The following IRF6 variants were observed in gnomAD, a reference collection of about 807,000 sequenced individuals.
IRF6 encodes Van der Woude syndrome.
In IRF6, 6 loss-of-function variants were observed where a neutral mutation model predicts 51.4. The ratio of observed to expected loss-of-function variants is 0.12; its 90% confidence interval spans 0.06 to 0.23. The LOEUF (loss-of-function observed/expected upper bound fraction) is 0.23. Ranked by LOEUF, IRF6 falls within the 10% of genes least tolerant of loss-of-function variation. The probability of loss-of-function intolerance (pLI) is 1.00; values close to 1 mark genes in which losing one functional copy is unlikely to be tolerated. For synonymous variants in IRF6, 178 were observed against 215.7 expected (o/e 0.83, Z 1.53); for missense variants, 348 against 585.2 (o/e 0.59, Z 4.18).
chr1:209,794,525 T>A (rs577762828), intron 5 of IRF6, among the ~76,000 whole-genome samples: 7 of 152,328 alleles, frequency 4.6e-5, no homozygotes, highest in Non-Finnish European at 7.3e-5. Flanking sequence ...GTTTTATAGG[T>A]GGCACAAGTT....
Position 209,790,513 on chromosome 1 carries a change from G to T in IRF6, c.1042C>A (p.Leu348Met). The T allele has an allele frequency of 6.2e-7, 1 of 1,614,074 alleles. No homozygotes were observed. The highest frequency in any genetic ancestry group is 8.5e-7 in the Non-Finnish European group (1 of 1,180,030). ...GACTTACCGCTAAGGAATGTTTCCA[G>T]ACAAAATAGCTTGACCTTCTTTTGT... ...ERQKKVKLFC[L>M]ETFLSDLIAH... Residue 348 changes from leucine to methionine, a missense_variant, in exon 7 of 9, where the codon CTG becomes ATG. Physicochemically the swap from Leu to Met is conservative, Grantham distance 15 (BLOSUM62 2). Coordinates refer to ENST00000367021, the MANE Select transcript of IRF6 (RefSeq NM_006147.4). This position sits in a 1 kb window ranked among gnomAD's most constrained non-coding sequence, Gnocchi z 4.8.
rs114048616 is a variant in IRF6, at chr1:209,803,822, C to G, written c.-75-1779G>C. Among the ~76,000 whole-genome samples the G allele has an allele frequency of 5.3e-3, 801 of 152,294 alleles. 6 individuals are homozygous for G. The highest frequency in any genetic ancestry group is 0.017 in the African/African-American group (705 of 41,544). On this transcript the variant is annotated intron_variant, in intron 1 of 8. Coordinates refer to ENST00000367021, the MANE Select transcript of IRF6 (RefSeq NM_006147.4). ...TTAAGTAGCCATTAACAACAGGTGTCAGAATTTGTATTATACTCAAGGAAA... is the reference window on the plus strand; with the variant it reads ...TTAAGTAGCCATTAACAACAGGTGTGAGAATTTGTATTATACTCAAGGAAA...
chr1:209,796,918 ACT>A lies in IRF6; in HGVS notation c.175-368_175-367del, dbSNP rs2077905589. Among the ~76,000 whole-genome samples the A allele has an allele frequency of 6.6e-6, 1 of 152,366 alleles. No individual in the cohort carries two copies. The highest frequency in any genetic ancestry group is 2.4e-5 in the African/African-American group (1 of 41,580). On this transcript the variant is annotated intron_variant, in intron 3 of 8. Transcript: ENST00000367021. This position sits in a 1 kb window ranked among gnomAD's most constrained non-coding sequence, Gnocchi z 4.5. ...AATATGCACCAAAGTGCAGATGGTA[ACT>A]CTGGATAGCAGAATTTCAAGTAACT...
intron 6 of IRF6, 117 bp from the exon 7 acceptor site, chr1:209,791,004 A>G: frequency 6.3e-7 from 1 of 1,590,194 alleles, no homozygotes; most frequent in South Asian, 1.1e-5. Flanking sequence ...CAGGAAGGCC[A>G]CTGCCATAGT....
rs754706609 is a variant in IRF6 at position 209,790,847 on chromosome 1, C to T, written c.708G>A (p.Glu236=). Residue 236 remains glutamate (E), a synonymous_variant, in exon 7 of 9, where the codon GAG becomes GAA. Transcript: ENST00000367021. The surrounding 1 kb of genome is among the most constrained non-coding windows in gnomAD (Gnocchi z 4.8). Reference sequence around the variant, plus strand: ...TGCTCACGGTCATGGTCTGCCCGTACTCCTTCCCACGGTACTGAAACTTGA... The same window carrying T: ...TGCTCACGGTCATGGTCTGCCCGTATTCCTTCCCACGGTACTGAAACTTGA... ...LDIKFQYRGK[E]YGQTMTVSNP... 4.6e-5 allele frequency: 74 copies of T among 1,613,216 alleles called. No homozygotes were observed. Among genetic ancestry groups the T allele is most frequent in the Non-Finnish European group, 3.7e-5 (44 of 1,180,048 alleles).
chr1:209,788,708 G>T, intron 8 of IRF6, 64 bp from the exon 9 acceptor site: 2 of 1,328,140 alleles, frequency 1.5e-6, no homozygotes. Context: ...TAGCACAATG[G>T]ACCCAAGATT....
chr1:209,805,654 G>T (rs2077969565), intron 1 of IRF6, among the ~76,000 whole-genome samples: 1 of 152,220 alleles, frequency 6.6e-6, no homozygotes, highest in Non-Finnish European at 1.5e-5. Context: ...AGCTCTACCG[G>T]ATAGTGGGGT....
rs912356932 is a variant in IRF6, at chr1:209,796,031, C to A, written c.379+317G>T. Among the ~76,000 whole-genome samples, 1 of 152,132 alleles carries A rather than the reference C, an allele frequency of 6.6e-6. No individual in the cohort carries two copies. Among genetic ancestry groups the A allele is most frequent in the Non-Finnish European group, 1.5e-5 (1 of 68,018 alleles). On this transcript the variant is annotated intron_variant, in intron 4 of 8. Transcript: ENST00000367021. The surrounding 1 kb of genome is among the most constrained non-coding windows in gnomAD (Gnocchi z 4.5). ...TAAGGGCCAGGTTTAGAACGCAAAC[C>A]TTTTAAGCTTTAATCCCTTCTCCTT...
intron 5 of IRF6, chr1:209,792,716 G>A (rs986035705): frequency 1.9e-5 from 9 of 467,778 alleles, no homozygotes; most frequent in African/African-American, 1.4e-4. Flanking sequence ...TAAATTACAA[G>A]GAGTAAGACA....
rs533140556 is a variant in IRF6 at position 209,800,968 on chromosome 1, T to C, written c.174+272A>G. Among the ~76,000 whole-genome samples, 12 of 152,204 alleles carry C rather than the reference T, an allele frequency of 7.9e-5. No individual in the cohort carries two copies. In the East Asian group the frequency reaches 2.3e-3, roughly 29 times the overall value. On this transcript the variant is annotated intron_variant, in intron 3 of 8. Coordinates refer to ENST00000367021, the MANE Select transcript of IRF6 (RefSeq NM_006147.4). ...CTCGCTAGCTTTTGAAACAAACACA[T>C]CACTACAATCACTAATGAGAGTTTT...
At chr1:209,795,241 C>T (rs770322371) in intron 5 of IRF6, 49 bp downstream of exon 5, 1 of 1,608,404 alleles carries the variant, frequency 6.2e-7, no homozygotes, top group Non-Finnish European at 8.5e-7. Flanking sequence ...AAGGTCAAAA[C>T]TCCTTACATC....
At position 209,786,558 on chromosome 1, in the gene IRF6, A is replaced by C. The variant is rs2077835112; in HGVS notation, c.*1862T>G. Reference sequence around the variant, plus strand: ...ATGGGGCAGCCAAATATCAAGCCCAAATCCCTCACTTCACCTACTCAACAA... The same window carrying C: ...ATGGGGCAGCCAAATATCAAGCCCACATCCCTCACTTCACCTACTCAACAA... On this transcript the variant is annotated 3_prime_UTR_variant, in exon 9 of 9. Coordinates refer to ENST00000367021, the MANE Select transcript of IRF6 (RefSeq NM_006147.4). 6.6e-6 allele frequency: 1 copy of C among 152,136 alleles called. No individual in the cohort carries two copies. Among genetic ancestry groups the C allele is most frequent in the Non-Finnish European group, 1.5e-5 (1 of 68,022 alleles). The allele number at this position is 152,136 out of a possible 1,614,324, so 9.4% of individuals were successfully genotyped here. A position where few individuals can be genotyped will look rare whatever the true frequency, so the allele number is the denominator to read the frequency against.
At chr1:209,804,939 T>C (rs1324477774) in intron 1 of IRF6, among the ~76,000 whole-genome samples, 1 of 152,150 alleles carries the variant, frequency 6.6e-6, no homozygotes, top group African/African-American at 2.4e-5. Flanking sequence ...AATGCCATCG[T>C]CTAAGTTCCG....
chr1:209,801,702 G>T (rs905515487), intron 2 of IRF6, among the ~76,000 whole-genome samples: 1 of 152,216 alleles, frequency 6.6e-6, no homozygotes, highest in Non-Finnish European at 1.5e-5. Flanking sequence ...AAAATAAAAA[G>T]GTGATGTCAT....
In IRF6 at chr1:209,801,418, T is replaced by G; in HGVS notation, c.-3-2A>C. ...TCTGCGGGGGTGGAGGGCCATGATC[T>G]GGGGGGGTCAGAGGGAGAAATGGGA... is the stretch of plus-strand genomic sequence containing the variant. On this transcript the variant is annotated splice_acceptor_variant, in intron 2 of 8. Transcript: ENST00000367021. LOFTEE classifies it low-confidence loss of function (5UTR_SPLICE). 1 of 1,558,818 alleles carries G rather than the reference T, an allele frequency of 6.4e-7. No individual in the cohort carries two copies. Among genetic ancestry groups the G allele is most frequent in the Admixed American group, 1.9e-5 (1 of 52,222 alleles).
intron 1 of IRF6, among the ~76,000 whole-genome samples, chr1:209,804,331 C>T (rs1258179804): frequency 6.6e-6 from 1 of 152,140 alleles, no homozygotes; most frequent in Non-Finnish European, 1.5e-5. Context: ...GTGTTCTGTA[C>T]CAAACCCTGC....
rs1456866827 is a variant in IRF6 at position 209,787,697 on chromosome 1, G to A, written c.*723C>T. ...ACCTATTCTTCCACAGAATCCCTAG[G>A]CTTTCTGTGTCAACAGCTTCCCTTT... On this transcript the variant is annotated 3_prime_UTR_variant, in exon 9 of 9. Coordinates refer to ENST00000367021, the MANE Select transcript of IRF6 (RefSeq NM_006147.4). The A allele has an allele frequency of 6.6e-6, 1 of 151,696 alleles. No homozygotes were observed. Among genetic ancestry groups the A allele is most frequent in the Non-Finnish European group, 1.5e-5 (1 of 68,120 alleles). The allele number at this position is 151,696 out of a possible 1,614,324, so 9.4% of individuals were successfully genotyped here.
chr1:209,796,750 C>T lies in IRF6; in HGVS notation c.175-198G>A, dbSNP rs1427144567. The stretch of plus-strand genomic sequence containing the variant: ...GCAGCAGGAAACACTGCCCTTAGGA[C>T]CAGGCAAGACAGGTGCCTAAGGGAA... On this transcript the variant is annotated intron_variant, in intron 3 of 8. Transcript: ENST00000367021. The surrounding 1 kb of genome is among the most constrained non-coding windows in gnomAD (Gnocchi z 4.5). Among the ~76,000 whole-genome samples the T allele has an allele frequency of 2.0e-5, 3 of 151,790 alleles. No individual in the cohort carries two copies. Among genetic ancestry groups the T allele is most frequent in the Non-Finnish European group, 2.9e-5 (2 of 67,996 alleles).
At position 209,790,523 on chromosome 1, in the gene IRF6, C is replaced by T. The variant is rs544378349; in HGVS notation, c.1032G>A (p.Lys344=). 5 of 1,614,126 alleles carry T rather than the reference C, an allele frequency of 3.1e-6. No homozygotes were observed. The South Asian group carries it at 5.5e-5, about 18-fold the overall frequency. ...TAAGGAATGTTTCCAGACAAAATAG[C>T]TTGACCTTCTTTTGTCTCTCAATCA... ...PNLIERQKKV[K]LFCLETFLSD... Residue 344 remains lysine (K), a synonymous_variant, in exon 7 of 9, where the codon AAG becomes AAA. Transcript: ENST00000367021. The surrounding 1 kb of genome is among the most constrained non-coding windows in gnomAD (Gnocchi z 4.8).
Sources: allele counts gnomAD v4.1 joint callset (sites outside exome capture counted in the v4.1 genomes callset), GRCh38; gene constraint gnomAD v4.1.1; non-coding constraint Gnocchi (gnomAD v3.1); transcripts MANE v1.5; gene names NCBI Gene and HGNC (gene_info 2026-07-23, HGNC 2026-07-21).